Variants in PSME4 observed in about 807,000 individuals in gnomAD.
The protein encoded by PSME4 is proteasome activator complex subunit 4.
PSME4 carries 89 observed loss-of-function variants against 253.9 expected under a neutral mutation model. That is an observed-to-expected ratio of 0.35 (90% CI 0.30 to 0.42). The LOEUF is 0.42. Ranked by LOEUF, PSME4 falls within the 10% of genes least tolerant of loss-of-function variation. The pLI is 1.00. For missense variants in PSME4, 2,014 were observed against 2,195.2 expected (o/e 0.92, Z 1.65); for synonymous variants, 851 against 759.2 (o/e 1.12, Z -1.99).
chr2:53,949,909 T>C (rs1442870679), intron 1 of PSME4, among the ~76,000 whole-genome samples: 1 of 152,224 alleles, frequency 6.6e-6, no homozygotes, highest in African/African-American at 2.4e-5. Flanking sequence ...CAATTTCAAA[T>C]GTCTTTGATG....
chr2:53,970,906 G>A lies in PSME4; in HGVS notation c.-122C>T. On this transcript the variant is annotated 5_prime_UTR_variant, in exon 1 of 47. Coordinates refer to ENST00000404125, the MANE Select transcript of PSME4 (RefSeq NM_014614.3). Reference sequence around the variant, plus strand: ...CGGCCGCTGGCGGCCCGTCGCCCTCGGACCGATCGCTAGGCCCCCTTCCCT... The same window carrying A: ...CGGCCGCTGGCGGCCCGTCGCCCTCAGACCGATCGCTAGGCCCCCTTCCCT... 1.2e-6 allele frequency: 1 copy of A among 809,190 alleles called. No homozygotes were observed. Among genetic ancestry groups the A allele is most frequent in the East Asian group, 3.3e-5 (1 of 30,266 alleles). The allele number at this position is 809,190 out of a possible 1,614,324, so 50.1% of individuals were successfully genotyped here.
Position 53,923,308 on chromosome 2 carries a change from A to G in PSME4, c.1908+13T>C. On this transcript the variant is annotated intron_variant, in intron 15 of 46. Transcript: ENST00000404125. ...TGAGTCATTAATACATCAGTTCAAAAAAATAAACTCACCTTTACAGCAGCG... is the reference window on the plus strand; with the variant it reads ...TGAGTCATTAATACATCAGTTCAAAGAAATAAACTCACCTTTACAGCAGCG... 6.3e-7 allele frequency: 1 copy of G among 1,589,786 alleles called. No individual in the cohort carries two copies. Among genetic ancestry groups the G allele is most frequent in the Non-Finnish European group, 8.5e-7 (1 of 1,173,026 alleles).
chr2:53,924,617 G>C (rs1426908894), intron 14 of PSME4, among the ~76,000 whole-genome samples: 2 of 152,118 alleles, frequency 1.3e-5, no homozygotes, highest in African/African-American at 2.4e-5. Flanking sequence ...AAAAAATACA[G>C]TTGTTTCTTT....
chr2:53,871,843 G>A (rs1052160893), intron 43 of PSME4, among the ~76,000 whole-genome samples: 1 of 151,754 alleles, frequency 6.6e-6, no homozygotes, highest in Non-Finnish European at 1.5e-5. Flanking sequence ...GTAAAACCCC[G>A]TCTCTACTAA....
rs1233527174 is a variant in PSME4 at position 53,937,553 on chromosome 2, G to C, written c.546-13C>G. The C allele has an allele frequency of 2.5e-6, 4 of 1,607,418 alleles. No individual in the cohort carries two copies. The highest frequency in any genetic ancestry group is 3.4e-6 in the Non-Finnish European group (4 of 1,177,784). On this transcript the variant is annotated splice_polypyrimidine_tract_variant and intron_variant, in intron 4 of 46. Transcript: ENST00000404125. ...TGCTGGAAAATATCTAATAAAAAAA[G>C]AAGGTTTTCATGTATCTGATTATTG... is the stretch of plus-strand genomic sequence containing the variant.
chr2:53,916,133 G>A (rs1004286366), intron 20 of PSME4, among the ~76,000 whole-genome samples: 4 of 150,670 alleles, frequency 2.7e-5, no homozygotes, highest in African/African-American at 9.8e-5. Context: ...TGTAATCCCA[G>A]CTACTCAGGA....
intron 7 of PSME4, 87 bp from the exon 8 acceptor site, chr2:53,934,814 A>G (rs1669028198): frequency 9.9e-7 from 1 of 1,008,418 alleles, no homozygotes; most frequent in South Asian, 1.7e-5. Context: ...AGTGTTACTG[A>G]AGATATTTTC....
chr2:53,904,892 G>A (rs1466646475), intron 26 of PSME4, among the ~76,000 whole-genome samples: 1 of 151,852 alleles, frequency 6.6e-6, no homozygotes, highest in Non-Finnish European at 1.5e-5. Context: ...GGAGGCTGAG[G>A]CAGGAGAATT....
chr2:53,866,270 A>G (rs201571988), intron 45 of PSME4, 47 bp from the exon 46 acceptor site: 2 of 1,595,974 alleles, frequency 1.3e-6, no homozygotes, highest in East Asian at 2.2e-5. Flanking sequence ...CTGGACAACC[A>G]GGATCATATG....
Position 53,866,174 on chromosome 2 carries a change from T to C in PSME4, c.5447A>G (p.Asn1816Ser). ...LSNFRRTHHD[N>S]WQEHKQQFTD... Reference sequence around the variant, plus strand: ...GAATTGCTGTTTATGTTCCTGCCAGTTGTCATGGTGAGTCCTTCGGAAATT... The same window carrying C: ...GAATTGCTGTTTATGTTCCTGCCAGCTGTCATGGTGAGTCCTTCGGAAATT... Residue 1816 changes from asparagine to serine, a missense_variant, in exon 46 of 47, where the codon AAC (asparagine) becomes AGC (serine). Physicochemically the swap from Asn to Ser is conservative, Grantham distance 46. Coordinates refer to ENST00000404125, the MANE Select transcript of PSME4 (RefSeq NM_014614.3). 2 of 1,613,932 alleles carry C rather than the reference T, an allele frequency of 1.2e-6. No homozygotes were observed. The highest frequency in any genetic ancestry group is 1.7e-6 in the Non-Finnish European group (2 of 1,179,816).
At chr2:53,890,545 AATC>A (rs1382936401) in intron 36 of PSME4, among the ~76,000 whole-genome samples, 1 of 152,158 alleles carries the variant, frequency 6.6e-6, no homozygotes, top group Non-Finnish European at 1.5e-5. Flanking sequence ...AGCCTCAAGC[AATC>A]CTCTCACCTT....
intron 44 of PSME4, 61 bp from the exon 45 acceptor site, chr2:53,866,941 G>A: frequency 6.7e-7 from 1 of 1,483,448 alleles, no homozygotes; most frequent in South Asian, 1.4e-5. Context: ...ACTTGTTACA[G>A]TGAGATAAAA....
At chr2:53,884,153 T>C (rs906632427) in intron 41 of PSME4, among the ~76,000 whole-genome samples, 11 of 152,202 alleles carry the variant, frequency 7.2e-5, no homozygotes, top group African/African-American at 2.7e-4. Context: ...TCGTCAATAT[T>C]AGTATATCCA....
At chr2:53,913,508 T>A (rs1667922516) in intron 20 of PSME4, among the ~76,000 whole-genome samples, 1 of 152,184 alleles carries the variant, frequency 6.6e-6, no homozygotes. Context: ...TGAAAGAACA[T>A]CCTATCTTCC....
At chr2:53,968,894 C>T (rs528344582) in intron 1 of PSME4, among the ~76,000 whole-genome samples, 11 of 152,286 alleles carry the variant, frequency 7.2e-5, no homozygotes, top group African/African-American at 2.6e-4. Context: ...CAATGCTTAA[C>T]TATGCCTTGG....
At chr2:53,952,662 A>G (rs1024794202) in intron 1 of PSME4, among the ~76,000 whole-genome samples, 3 of 152,268 alleles carry the variant, frequency 2.0e-5, no homozygotes, top group Non-Finnish European at 2.9e-5. Flanking sequence ...GCAGTCCCCA[A>G]CCTTTTTGGT....
chr2:53,925,873 T>C lies in PSME4; in HGVS notation c.1658+86A>G. The C allele has an allele frequency of 5.7e-6, 8 of 1,409,668 alleles. No individual in the cohort carries two copies. In the South Asian group the frequency reaches 7.1e-5, roughly 12 times the overall value. 87.3% of individuals were successfully genotyped at this position (1,409,668 alleles called of 1,614,324 possible). On this transcript the variant is annotated intron_variant, in intron 13 of 46. Transcript: ENST00000404125. ...ACCAGTAGTAGCTAAATAAAGGTTA[T>C]AATGCAGAAATAAACTAAACTTTCT...
intron 1 of PSME4, among the ~76,000 whole-genome samples, chr2:53,959,331 C>CTA (rs1255043069): frequency 6.6e-6 from 1 of 151,966 alleles, no homozygotes; most frequent in Non-Finnish European, 1.5e-5. Context: ...TGCCACTGTA[C>CTA]TACAGCCTAA....
intron 42 of PSME4, 142 bp downstream of exon 42, chr2:53,875,485 G>T: frequency 2.6e-6 from 2 of 755,812 alleles, no homozygotes; most frequent in Non-Finnish European, 3.8e-6. Flanking sequence ...CTGTTTCTTT[G>T]GTCAATATAT....
Sources: allele counts gnomAD v4.1 joint callset (sites outside exome capture counted in the v4.1 genomes callset), GRCh38; gene constraint gnomAD v4.1.1; transcripts MANE v1.5; gene names NCBI Gene and HGNC (gene_info 2026-07-23, HGNC 2026-07-21).